LSAMP: variants seen among roughly 807,000 people sequenced by gnomAD.
The protein encoded by LSAMP is limbic system-associated membrane protein.
Under a neutral mutation model 38.6 loss-of-function variants are expected in LSAMP, and 7 were observed. The observed-to-expected ratio is 0.18, with a 90% confidence interval of 0.10 to 0.34. The LOEUF is 0.34. Ranked by LOEUF, LSAMP falls within the 10% of genes least tolerant of loss-of-function variation. The pLI is 1.00. For synonymous variants in LSAMP, 154 were observed against 166.8 expected, an observed-to-expected ratio of 0.92 and a Z score of 0.59; for missense variants, 313 against 420.0, an observed-to-expected ratio of 0.75 and a Z score of 2.23.
chr3:116,197,163 A>ACACACACTCTCTCTCT (rs1268040540), intron 1 of LSAMP, among the ~76,000 whole-genome samples: 1 of 139,088 alleles, frequency 7.2e-6, no homozygotes, highest in African/African-American at 2.6e-5. Flanking sequence ...ACACACACAC[A>ACACACACTCTCTCTCT]CTCTCTCTCT....
At chr3:116,147,647 A>C (rs114750512) in intron 1 of LSAMP, among the ~76,000 whole-genome samples, 1 of 151,942 alleles carries the variant, frequency 6.6e-6, no homozygotes, top group Non-Finnish European at 1.5e-5. Flanking sequence ...TACTCTTTTT[A>C]CAAAACTAGG....
Position 116,024,716 on chromosome 3 carries a change from A to G in LSAMP, c.389-5076T>C, listed in dbSNP as rs182891406. ...TTAAGTTTAGATAATCACCAATAAC[A>G]TCAGGTGGCAATTCAAAAATTTTAT... On this transcript the variant is annotated intron_variant, in intron 2 of 6. Coordinates refer to ENST00000490035, the MANE Select transcript of LSAMP (RefSeq NM_002338.5). 3.3e-3 allele frequency among the ~76,000 whole-genome samples: 497 copies of G among 152,038 alleles called. 7 individuals are homozygous for G. Among genetic ancestry groups the G allele is most frequent in the African/African-American group, 0.011 (477 of 41,516 alleles).
chr3:115,871,683 C>T (rs926641289), intron 3 of LSAMP, among the ~76,000 whole-genome samples: 6 of 151,650 alleles, frequency 4.0e-5, no homozygotes, highest in African/African-American at 9.7e-5. Flanking sequence ...ACCTCCTACT[C>T]GTTGACATTT....
At chr3:116,103,839 A>G (rs1193423892) in intron 1 of LSAMP, among the ~76,000 whole-genome samples, 1 of 152,210 alleles carries the variant, frequency 6.6e-6, no homozygotes, top group Non-Finnish European at 1.5e-5. Context: ...TGAGTGCACA[A>G]AAATCCTACG....
chr3:115,854,573 C>T (rs1006648326), intron 3 of LSAMP, among the ~76,000 whole-genome samples: 1 of 152,058 alleles, frequency 6.6e-6, no homozygotes, highest in Non-Finnish European at 1.5e-5. Flanking sequence ...CCTTTGCCAA[C>T]ATTTAAAGCA....
At chr3:116,190,117 A>G (rs1369379094) in intron 1 of LSAMP, among the ~76,000 whole-genome samples, 2 of 151,504 alleles carry the variant, frequency 1.3e-5, no homozygotes, top group African/African-American at 4.9e-5. Context: ...ACACACACAC[A>G]CACACACACA....
chr3:116,353,692 T>C (rs2048180962), intron 1 of LSAMP, among the ~76,000 whole-genome samples: 1 of 152,060 alleles, frequency 6.6e-6, no homozygotes, highest in African/African-American at 2.4e-5. Flanking sequence ...GCAAAGAGTA[T>C]AGGGATATTA....
intron 1 of LSAMP, among the ~76,000 whole-genome samples, chr3:116,298,811 C>T (rs764311416): frequency 7.9e-5 from 12 of 151,948 alleles, no homozygotes; most frequent in Non-Finnish European, 1.5e-4. Flanking sequence ...GTTTATTTCC[C>T]GTTATATTTA....
At chr3:116,271,623 T>G (rs1215684074) in intron 1 of LSAMP, among the ~76,000 whole-genome samples, 1 of 152,070 alleles carries the variant, frequency 6.6e-6, no homozygotes, top group Non-Finnish European at 1.5e-5. Context: ...AGCAAAAACA[T>G]TCTACTCTAC....
chr3:116,140,657 G>A (rs1405457222), intron 1 of LSAMP, among the ~76,000 whole-genome samples: 1 of 151,898 alleles, frequency 6.6e-6, no homozygotes, highest in Non-Finnish European at 1.5e-5. Context: ...GCAGCAAAAT[G>A]CAACAACATT....
At chr3:115,875,995 A>G (rs1405315890) in intron 3 of LSAMP, among the ~76,000 whole-genome samples, 1 of 151,784 alleles carries the variant, frequency 6.6e-6, no homozygotes, top group Non-Finnish European at 1.5e-5. Flanking sequence ...CAGGTAATTG[A>G]TTTTTTTCTT....
chr3:116,311,051 T>G (rs1267924648), intron 1 of LSAMP, among the ~76,000 whole-genome samples: 2 of 151,954 alleles, frequency 1.3e-5, no homozygotes, highest in African/African-American at 4.8e-5. Context: ...AATAACAAGA[T>G]CTATTCAAAT....
chr3:115,933,668 C>A (rs917207501), intron 3 of LSAMP, among the ~76,000 whole-genome samples: 2 of 152,084 alleles, frequency 1.3e-5, no homozygotes, highest in African/African-American at 4.8e-5. Flanking sequence ...GAAGAGTGTG[C>A]AGAGAAAAGA....
intron 1 of LSAMP, among the ~76,000 whole-genome samples, chr3:116,221,209 T>A (rs1014208970): frequency 1.3e-5 from 2 of 148,408 alleles, no homozygotes; most frequent in African/African-American, 2.5e-5. Context: ...AACATTTATT[T>A]AAAATATACA....
intron 1 of LSAMP, among the ~76,000 whole-genome samples, chr3:116,346,611 G>A (rs1302700069): frequency 1.3e-5 from 2 of 152,076 alleles, no homozygotes; most frequent in Non-Finnish European, 2.9e-5. Context: ...TTACAGGTGT[G>A]AGCCACCACC....
chr3:115,999,719 G>A (rs1939933104), intron 3 of LSAMP, among the ~76,000 whole-genome samples: 1 of 152,136 alleles, frequency 6.6e-6, no homozygotes, highest in African/African-American at 2.4e-5. Context: ...GGTTACTGAA[G>A]GGCAGATAAA....
At chr3:116,096,535 T>A (rs796167673) in intron 1 of LSAMP, among the ~76,000 whole-genome samples, 11 of 152,328 alleles carry the variant, frequency 7.2e-5, no homozygotes, top group African/African-American at 2.4e-4. Context: ...ATGGTTATAG[T>A]GCAATGGTGT....
chr3:116,187,816 A>AGGG (rs1015662476), intron 1 of LSAMP, among the ~76,000 whole-genome samples: 1 of 151,958 alleles, frequency 6.6e-6, no homozygotes, highest in Non-Finnish European at 1.5e-5. Flanking sequence ...TTTTATGTTC[A>AGGG]GGGGTACATG....
intron 1 of LSAMP, among the ~76,000 whole-genome samples, chr3:116,232,564 T>C (rs537746609): frequency 6.6e-6 from 1 of 152,222 alleles, no homozygotes; most frequent in East Asian, 1.9e-4. Flanking sequence ...TTTATAAAGG[T>C]TTTGGCTTGG....
Sources: allele counts gnomAD v4.1 joint callset (sites outside exome capture counted in the v4.1 genomes callset), GRCh38; gene constraint gnomAD v4.1.1; transcripts MANE v1.5; gene names NCBI Gene and HGNC (gene_info 2026-07-23, HGNC 2026-07-21).